Variants in ESRRB observed in about 807,000 individuals in gnomAD.
The protein encoded by ESRRB is steroid hormone receptor ERR2.
A neutral mutation model predicts 46.0 loss-of-function variants in ESRRB; 16 were observed. The observed-to-expected ratio is 0.35, with a 90% CI of 0.24 to 0.53. The LOEUF (loss-of-function observed/expected upper bound fraction) is 0.53, where lower values mean the gene tolerates loss of function less well. ESRRB is among the 20% of genes least tolerant of loss of function. ESRRB has a pLI of 0.93. For synonymous variants in ESRRB, 246 were observed against 259.6 expected, an observed-to-expected ratio of 0.95 and a Z score of 0.50; for missense variants, 488 against 607.4, an observed-to-expected ratio of 0.80 and a Z score of 2.07.
At chr14:76,411,699 C>T (rs1057464503) in intron 1 of ESRRB, among the ~76,000 whole-genome samples, 34 of 152,220 alleles carry the variant, frequency 2.2e-4, no homozygotes, top group African/African-American at 7.9e-4. Flanking sequence ...GTATCAACCT[C>T]GGAGGGTTCT....
chr14:76,489,517 G>C lies in ESRRB; in HGVS notation c.851-1930G>C, dbSNP rs185046166. On this transcript the variant is annotated intron_variant, in intron 5 of 6. Coordinates refer to ENST00000644823, the MANE Select transcript of ESRRB (RefSeq NM_001379180.1). Reference sequence around the variant, plus strand: ...GTCACAGCCTCTCCCCTGAGAAGGTGCATCAATCAAAGCTCCCCCGTGTCA... The same window carrying C: ...GTCACAGCCTCTCCCCTGAGAAGGTCCATCAATCAAAGCTCCCCCGTGTCA... 3.9e-3 allele frequency among the ~76,000 whole-genome samples: 554 copies of C among 141,676 alleles called. 4 individuals carry two copies. The highest frequency in any genetic ancestry group is 0.014 in the African/African-American group (534 of 37,484). The allele number at this position is 141,676 out of a possible 152,430, so 92.9% of individuals were successfully genotyped here.
At chr14:76,363,751 C>G (rs1411294303) in intron 1 of ESRRB, among the ~76,000 whole-genome samples, 1 of 152,178 alleles carries the variant, frequency 6.6e-6, no homozygotes, top group African/African-American at 2.4e-5. Flanking sequence ...ATCTACAGTG[C>G]TTAGGTTTCC....
rs762648823 is a variant in ESRRB, at chr14:76,395,931, T to G, written c.50+19480T>G. ...GGCTGACGCCTGTAATCTCAGCACT[T>G]TGGGAAGCTGAGGCAAGTGGACCAC... is the stretch of plus-strand genomic sequence containing the variant. On this transcript the variant is annotated intron_variant, in intron 1 of 6. Transcript: ENST00000644823. 2.6e-4 allele frequency among the ~76,000 whole-genome samples: 39 copies of G among 151,900 alleles called. No individual in the cohort carries two copies. In the Middle Eastern group the frequency reaches 0.01, roughly 40 times the overall value.
chr14:76,324,977 T>TTTC (rs1883912096), intron 1 of ESRRB, among the ~76,000 whole-genome samples: 1 of 140,704 alleles, frequency 7.1e-6, no homozygotes, highest in South Asian at 2.4e-4. Flanking sequence ...TTTTTTTTTT[T>TTTC]TTTTTTTGAG....
chr14:76,470,192 C>T (rs1889323543), intron 3 of ESRRB, among the ~76,000 whole-genome samples: 1 of 152,070 alleles, frequency 6.6e-6, no homozygotes, highest in Non-Finnish European at 1.5e-5. Context: ...TCAGGTGATC[C>T]ACCTGCCTTG....
chr14:76,331,415 G>A (rs548937851), intron 1 of ESRRB, among the ~76,000 whole-genome samples: 6 of 152,188 alleles, frequency 3.9e-5, no homozygotes. Flanking sequence ...ACTAACACGG[G>A]TGGCATGCAC....
rs759115395 is a variant in ESRRB, at chr14:76,462,780, C to A, written c.577+119C>A. 9 of 807,496 alleles carry A rather than the reference C, an allele frequency of 1.1e-5. 1 individual carries two copies. The highest frequency in any genetic ancestry group is 2.0e-5 in the Non-Finnish European group (9 of 459,626). The allele number at this position is 807,496 out of a possible 1,614,324, so 50.0% of individuals were successfully genotyped here. ...GTCCCAGGGTGAGACCCAGTCTGAGCGCCCATCTCCTCCCACACCCTGCCA... is the reference window on the plus strand; with the variant it reads ...GTCCCAGGGTGAGACCCAGTCTGAGAGCCCATCTCCTCCCACACCCTGCCA... On this transcript the variant is annotated intron_variant, in intron 3 of 6. Transcript: ENST00000644823.
chr14:76,409,405 G>C (rs554039418), intron 1 of ESRRB, among the ~76,000 whole-genome samples: 3 of 152,208 alleles, frequency 2.0e-5, no homozygotes, highest in East Asian at 3.9e-4. Context: ...TGACTGTAGC[G>C]AACACTCTGC....
At chr14:76,411,400 A>T (rs1595090763) in intron 1 of ESRRB, among the ~76,000 whole-genome samples, 2 of 151,996 alleles carry the variant, frequency 1.3e-5, no homozygotes, top group East Asian at 3.9e-4. Context: ...GTGAGCTGAG[A>T]TTGCGCCACC....
At chr14:76,387,866 C>T (rs963553853) in intron 1 of ESRRB, among the ~76,000 whole-genome samples, 27 of 152,222 alleles carry the variant, frequency 1.8e-4, no homozygotes, top group African/African-American at 5.3e-4. Context: ...CAGAGATGGG[C>T]GATTGTAATA....
intron 1 of ESRRB, among the ~76,000 whole-genome samples, chr14:76,432,341 T>C (rs564469544): frequency 2.2e-4 from 33 of 152,364 alleles, no homozygotes; most frequent in African/African-American, 7.5e-4. Flanking sequence ...TCTCAGCTGC[T>C]GGAGATGGGG....
intron 3 of ESRRB, 97 bp from the exon 4 acceptor site, chr14:76,481,919 C>T (rs1595162054): frequency 8.5e-7 from 1 of 1,173,096 alleles, no homozygotes; most frequent in Non-Finnish European, 1.3e-6. Flanking sequence ...GAGCAAGGCC[C>T]TGAAGGACCC....
chr14:76,363,226 G>A (rs1884484857), intron 1 of ESRRB, among the ~76,000 whole-genome samples: 1 of 152,192 alleles, frequency 6.6e-6, no homozygotes, highest in Non-Finnish European at 1.5e-5. Context: ...GGAATATGGT[G>A]TAACAAGCCC....
Position 76,430,701 on chromosome 14 carries a change from G to A in ESRRB, c.51-8640G>A, listed in dbSNP as rs527466674. Among the ~76,000 whole-genome samples the A allele has an allele frequency of 2.1e-3, 322 of 152,328 alleles. 2 individuals carry two copies. The highest frequency in any genetic ancestry group is 6.8e-3 in the Middle Eastern group (2 of 294). ...CCCTGAGGTCCAGAGAGGATGACCT[G>A]ATTACTCAAAGCCAGCAGCAATTAG... On this transcript the variant is annotated intron_variant, in intron 1 of 6. Coordinates refer to ENST00000644823, the MANE Select transcript of ESRRB (RefSeq NM_001379180.1).
At chr14:76,392,906 C>T (rs1173871522) in intron 1 of ESRRB, among the ~76,000 whole-genome samples, 1 of 152,208 alleles carries the variant, frequency 6.6e-6, no homozygotes, top group Non-Finnish European at 1.5e-5. Flanking sequence ...TGGCCACTGG[C>T]CTTCACAGAG....
chr14:76,468,485 A>G (rs1889222726), intron 3 of ESRRB, among the ~76,000 whole-genome samples: 1 of 145,102 alleles, frequency 6.9e-6, no homozygotes, highest in Non-Finnish European at 1.5e-5. Context: ...CCTTTGGGCC[A>G]CTCAGCCACA....
intron 6 of ESRRB, among the ~76,000 whole-genome samples, chr14:76,492,206 C>T (rs1459908780): frequency 6.6e-6 from 1 of 152,218 alleles, no homozygotes; most frequent in Non-Finnish European, 1.5e-5. Flanking sequence ...TTCTGTCGCC[C>T]AGGTAGGAGT....
chr14:76,375,751 G>T (rs1486429855), upstream of ESRRB, among the ~76,000 whole-genome samples: 2 of 152,144 alleles, frequency 1.3e-5, no homozygotes, highest in Admixed American at 1.3e-4. Context: ...TTTTTAATTT[G>T]GAAAACAGAT....
intron 1 of ESRRB, among the ~76,000 whole-genome samples, chr14:76,388,089 C>T (rs542383580): frequency 6.6e-6 from 1 of 152,044 alleles, no homozygotes; most frequent in South Asian, 2.1e-4. Flanking sequence ...GGGATTTGCA[C>T]AGAGGCTGTC....
Sources: allele counts gnomAD v4.1 joint callset (sites outside exome capture counted in the v4.1 genomes callset), GRCh38; gene constraint gnomAD v4.1.1; transcripts MANE v1.5; gene names NCBI Gene and HGNC (gene_info 2026-07-23, HGNC 2026-07-21).